Variants in DIAPH2 observed in about 807,000 individuals in gnomAD.
DIAPH2 encodes diaphanous related formin 2.
Under a neutral mutation model 92.7 loss-of-function variants are expected in DIAPH2, and 35 were observed. The ratio of observed to expected loss-of-function variants is 0.38; its 90% confidence interval spans 0.29 to 0.50. The LOEUF (loss-of-function observed/expected upper bound fraction) is 0.50. Among genes scored for constraint, DIAPH2 ranks in the 20% least tolerant of loss-of-function variants. DIAPH2 has a pLI of 0.94. For missense variants in DIAPH2, 701 were observed against 819.5 expected, an observed-to-expected ratio of 0.86 and a Z score of 1.77; for synonymous variants, 301 against 280.4, an observed-to-expected ratio of 1.07 and a Z score of -0.73.
At chrX:97,034,141 A>G (rs2066394605) in intron 17 of DIAPH2, among the ~76,000 whole-genome samples, 1 of 109,916 alleles carries the variant, frequency 9.1e-6, no homozygotes, top group African/African-American at 3.3e-5. Context: ...AAAGGCAAGT[A>G]CTTGTATTAC....
chrX:97,045,463 A>C (rs1383751054), intron 17 of DIAPH2, among the ~76,000 whole-genome samples: 1 of 111,670 alleles, frequency 9.0e-6, no homozygotes, highest in East Asian at 2.8e-4. Flanking sequence ...CACATAATAC[A>C]TCGGGTTGAA....
chrX:97,536,440 T>G (rs1454781736), intron 26 of DIAPH2, among the ~76,000 whole-genome samples: 3 of 112,447 alleles, frequency 2.7e-5, no homozygotes, highest in Non-Finnish European at 5.6e-5. Flanking sequence ...ACATTATTAC[T>G]ACATGAAATT....
chrX:97,030,222 C>T (rs769421415), intron 17 of DIAPH2, among the ~76,000 whole-genome samples: 1 of 111,235 alleles, frequency 9.0e-6, no homozygotes, highest in African/African-American at 3.3e-5. Context: ...GCAGCAAAAC[C>T]ATAGAGGAGA....
chrX:96,772,037 CAAAAA>C lies in DIAPH2; in HGVS notation c.447+13786_447+13790del, dbSNP rs199782764. Among the ~76,000 whole-genome samples the C allele has an allele frequency of 2.0e-5, 2 of 101,731 alleles. 1 individual carries two copies. The highest frequency in any genetic ancestry group is 2.1e-4 in the Admixed American group (2 of 9,458). The allele number at this position is 101,731 out of a possible 115,157, so 88.3% of individuals were successfully genotyped here. ...GGGTGACACAGTTGAGACCCTGTCT[CAAAAA>C]AAAAAAGTTAGCTTAGCTACTGTAT... On this transcript the variant is annotated intron_variant, in intron 4 of 26. Coordinates refer to ENST00000324765, the MANE Select transcript of DIAPH2 (RefSeq NM_006729.5).
intron 22 of DIAPH2, among the ~76,000 whole-genome samples, chrX:97,150,779 T>C (rs1205718998): frequency 1.8e-5 from 2 of 112,100 alleles, no homozygotes; most frequent in Non-Finnish European, 3.8e-5. Flanking sequence ...TTCTCAGTTA[T>C]GTATGATATC....
chrX:96,848,251 G>A (rs980740279), intron 4 of DIAPH2, among the ~76,000 whole-genome samples: 3 of 110,717 alleles, frequency 2.7e-5, no homozygotes, highest in African/African-American at 9.8e-5. Flanking sequence ...TTTGTTGCCA[G>A]GCTGATCTTG....
At chrX:97,043,061 G>T (rs1223642971) in intron 17 of DIAPH2, among the ~76,000 whole-genome samples, 1 of 110,983 alleles carries the variant, frequency 9.0e-6, no homozygotes, top group African/African-American at 3.3e-5. Context: ...ATTGTTTTTT[G>T]GTTAAAAAGG....
chrX:97,148,003 TG>T (rs1300338655), intron 22 of DIAPH2, among the ~76,000 whole-genome samples: 1 of 111,105 alleles, frequency 9.0e-6, no homozygotes, highest in Admixed American at 9.6e-5. Context: ...TTAAAAAGTT[TG>T]GGGGGAAGAA....
At chrX:97,293,536 C>A (rs1285780249) in intron 23 of DIAPH2, among the ~76,000 whole-genome samples, 21 of 111,425 alleles carry the variant, frequency 1.9e-4, no homozygotes, top group Non-Finnish European at 7.5e-5. Flanking sequence ...CAGGCGTGAG[C>A]CACTGCCCCC....
chrX:96,723,661 TGTA>T (rs1040657311), intron 1 of DIAPH2, among the ~76,000 whole-genome samples: 1 of 111,912 alleles, frequency 8.9e-6, no homozygotes, highest in Non-Finnish European at 1.9e-5. Flanking sequence ...TGTAAGAAAA[TGTA>T]GTCGCAGAAC....
intron 23 of DIAPH2, among the ~76,000 whole-genome samples, chrX:97,334,161 AAC>A (rs2069026876): frequency 9.1e-6 from 1 of 110,427 alleles, no homozygotes; most frequent in African/African-American, 3.3e-5. Flanking sequence ...CCAGTTCCTT[AAC>A]AGTTCTAGAT....
At chrX:96,906,001 C>T (rs1232502241) in intron 5 of DIAPH2, among the ~76,000 whole-genome samples, 1 of 111,970 alleles carries the variant, frequency 8.9e-6, no homozygotes, top group Non-Finnish European at 1.9e-5. Flanking sequence ...TGGCGGCAGG[C>T]GCCTGTAGTC....
chrX:97,261,161 G>A (rs2068285165), intron 23 of DIAPH2, among the ~76,000 whole-genome samples: 1 of 112,368 alleles, frequency 8.9e-6, no homozygotes, highest in Non-Finnish European at 1.9e-5. Flanking sequence ...ATAAAAACCT[G>A]GCAGTTCTTT....
At chrX:97,249,133 A>G (rs970942442) in intron 23 of DIAPH2, among the ~76,000 whole-genome samples, 1 of 100,531 alleles carries the variant, frequency 9.9e-6, no homozygotes, top group Non-Finnish European at 2.0e-5. Flanking sequence ...TCACCTTTTG[A>G]TTTTGGTTCT....
intron 22 of DIAPH2, among the ~76,000 whole-genome samples, chrX:97,144,000 G>A (rs2067225970): frequency 9.0e-6 from 1 of 111,498 alleles, no homozygotes; most frequent in South Asian, 3.8e-4. Flanking sequence ...GAAAGGTGAA[G>A]GGTAGGGGGA....
At chrX:97,577,322 A>G (rs1322464312) in intron 26 of DIAPH2, among the ~76,000 whole-genome samples, 1 of 112,701 alleles carries the variant, frequency 8.9e-6, no homozygotes, top group African/African-American at 3.2e-5. Flanking sequence ...AGAAAGAATC[A>G]GCATGTATTT....
Position 97,214,836 on chromosome X carries a change from T to TA in DIAPH2, c.2720-32854dup, listed in dbSNP as rs368311868. 3.7e-3 allele frequency among the ~76,000 whole-genome samples: 235 copies of TA among 62,768 alleles called. 2 individuals carry two copies. Among genetic ancestry groups the TA allele is most frequent in the African/African-American group, 0.013 (221 of 17,128 alleles). 54.5% of individuals were successfully genotyped at this position (62,768 alleles called of 115,157 possible). Reference sequence around the variant, plus strand: ...ACAAGAGCAAAACTCCGTCTCAAATTAAAAAAAAAAAAAAAAAAAAAAAAA... The same window carrying TA: ...ACAAGAGCAAAACTCCGTCTCAAATTAAAAAAAAAAAAAAAAAAAAAAAAAA... On this transcript the variant is annotated intron_variant, in intron 22 of 26. Transcript: ENST00000324765.
intron 5 of DIAPH2, among the ~76,000 whole-genome samples, chrX:96,895,089 T>C (rs1236940875): frequency 9.5e-6 from 1 of 105,780 alleles, no homozygotes; most frequent in Non-Finnish European, 1.9e-5. Context: ...CTGCAACCTC[T>C]GCCTCCTGGG....
At chrX:97,392,129 T>G (rs2069665505) in intron 25 of DIAPH2, among the ~76,000 whole-genome samples, 1 of 112,211 alleles carries the variant, frequency 8.9e-6, no homozygotes, top group African/African-American at 3.2e-5. Flanking sequence ...CAGTCTTAGC[T>G]CTGCTACCTA....
Sources: allele counts gnomAD v4.1 joint callset (sites outside exome capture counted in the v4.1 genomes callset), GRCh38; gene constraint gnomAD v4.1.1; transcripts MANE v1.5; gene names NCBI Gene and HGNC (gene_info 2026-07-23, HGNC 2026-07-21).